The following AMOTL1 variants were observed in gnomAD, a reference collection of about 807,000 sequenced individuals.
The protein encoded by AMOTL1 is angiomotin-like protein 1.
AMOTL1 carries 45 observed loss-of-function variants against 102.9 expected under a neutral mutation model. The ratio of observed to expected loss-of-function variants is 0.44; its 90% CI spans 0.34 to 0.56. The LOEUF is 0.56. Among genes scored for constraint, AMOTL1 ranks in the 20% least tolerant of loss-of-function variants. The probability of loss-of-function intolerance (pLI) is 0.01; values close to 1 mark genes in which losing one functional copy is unlikely to be tolerated. For missense variants in AMOTL1, 1,114 were observed against 1,225.6 expected (o/e 0.91, Z 1.36); for synonymous variants, 481 against 484.7 (o/e 0.99, Z 0.10).
At chr11:94,851,091 A>C (rs911041799) in intron 7 of AMOTL1, among the ~76,000 whole-genome samples, 2 of 152,228 alleles carry the variant, frequency 1.3e-5, no homozygotes, top group Admixed American at 1.3e-4. Flanking sequence ...TAAGTCTTGC[A>C]TAGAAACTAC....
intron 1 of AMOTL1, among the ~76,000 whole-genome samples, chr11:94,723,249 C>T (rs940723391): frequency 1.3e-5 from 2 of 151,820 alleles, no homozygotes; most frequent in African/African-American, 4.9e-5. Flanking sequence ...AGAGTATTAT[C>T]CTGCAATGGA....
At chr11:94,762,343 C>T (rs1950803749) in intron 3 of AMOTL1, among the ~76,000 whole-genome samples, 1 of 152,184 alleles carries the variant, frequency 6.6e-6, no homozygotes, top group Admixed American at 6.5e-5. Context: ...CAATCAGAGG[C>T]AATTTTGCCC....
At chr11:94,804,598 T>G (rs1216356380) in intron 3 of AMOTL1, among the ~76,000 whole-genome samples, 1 of 152,214 alleles carries the variant, frequency 6.6e-6, no homozygotes, top group Non-Finnish European at 1.5e-5. Context: ...CTGCAAATAG[T>G]CTTAACTTCC....
chr11:94,797,156 C>A, intron 2 of AMOTL1: 1 of 350,504 alleles, frequency 2.9e-6, no homozygotes. Context: ...AAACATAGAG[C>A]CATCATTACA....
intron 6 of AMOTL1, among the ~76,000 whole-genome samples, chr11:94,840,335 A>C (rs1952271393): frequency 6.6e-6 from 1 of 152,148 alleles, no homozygotes; most frequent in Admixed American, 6.5e-5. Flanking sequence ...AGTCCAGAAA[A>C]TTTGGTCGTA....
chr11:94,795,147 C>G lies in AMOTL1; in HGVS notation c.186C>G (p.Ile62Met), dbSNP rs1363283002. Residue 62 changes from isoleucine to methionine, a missense_variant, in exon 2 of 13, where the codon ATC becomes ATG. Physicochemically the swap from Ile to Met is conservative, Grantham distance 10. Coordinates refer to ENST00000433060, the MANE Select transcript of AMOTL1 (RefSeq NM_130847.3). ...TGACGGTGGAGGCAACCAGTAGCATCAGGGAAAAAGTTGGTAAGTCCTTTT... is the reference window on the plus strand; with the variant it reads ...TGACGGTGGAGGCAACCAGTAGCATGAGGGAAAAAGTTGGTAAGTCCTTTT... ...SALTVEATSS[I>M]REKVVEDPLC... The G allele has an allele frequency of 6.2e-7, 1 of 1,613,422 alleles. No homozygotes were observed. Among genetic ancestry groups the G allele is most frequent in the South Asian group, 1.1e-5 (1 of 90,878 alleles).
intron 3 of AMOTL1, among the ~76,000 whole-genome samples, chr11:94,758,378 C>T (rs185113875): frequency 1.8e-4 from 28 of 152,234 alleles, no homozygotes; most frequent in African/African-American, 6.0e-4. Flanking sequence ...TGATTGAATG[C>T]GTAATAAATG....
intron 1 of AMOTL1, among the ~76,000 whole-genome samples, chr11:94,709,108 T>C (rs1369880361): frequency 6.6e-6 from 1 of 152,336 alleles, no homozygotes; most frequent in East Asian, 1.9e-4. Context: ...GTGCCTACTC[T>C]GTGCCAGCTC....
chr11:94,765,075 C>T (rs760052418), upstream of AMOTL1, among the ~76,000 whole-genome samples: 3 of 152,202 alleles, frequency 2.0e-5, no homozygotes, highest in Non-Finnish European at 4.4e-5. Flanking sequence ...ATCACTGGAA[C>T]ATCCTGGTAC....
At chr11:94,785,028 G>A (rs1412345611) in intron 1 of AMOTL1, among the ~76,000 whole-genome samples, 2 of 152,140 alleles carry the variant, frequency 1.3e-5, no homozygotes, top group Admixed American at 1.3e-4. Flanking sequence ...TGATGAGGAA[G>A]GGTGGTTTCA....
At chr11:94,753,002 C>T (rs1243358634) in intron 3 of AMOTL1, among the ~76,000 whole-genome samples, 1 of 152,160 alleles carries the variant, frequency 6.6e-6, no homozygotes, top group African/African-American at 2.4e-5. Context: ...AGACTTTAGG[C>T]TCCTTTTATA....
chr11:94,837,214 T>C (rs1952202839), intron 6 of AMOTL1, among the ~76,000 whole-genome samples: 1 of 152,198 alleles, frequency 6.6e-6, no homozygotes, highest in Admixed American at 6.5e-5. Flanking sequence ...GGTGTCTTAC[T>C]AACAGGCTCA....
intron 2 of AMOTL1, among the ~76,000 whole-genome samples, chr11:94,739,739 G>C (rs375934814): frequency 7.9e-5 from 12 of 152,076 alleles, no homozygotes; most frequent in African/African-American, 2.9e-4. Flanking sequence ...CATCAGCTGC[G>C]GGGCTCTCTC....
intron 11 of AMOTL1, 28 bp from the exon 12 acceptor site, chr11:94,869,170 T>A: frequency 1.3e-6 from 2 of 1,517,584 alleles, no homozygotes; most frequent in South Asian, 1.3e-5. Flanking sequence ...AAAAAAAGAA[T>A]GTTGAAAAAT....
chr11:94,869,741 G>A (rs546228380), intron 12 of AMOTL1, among the ~76,000 whole-genome samples: 1 of 152,296 alleles, frequency 6.6e-6, no homozygotes, highest in Non-Finnish European at 1.5e-5. Flanking sequence ...CCTTTCCCCG[G>A]ATGGAGTGAC....
chr11:94,802,043 C>T (rs1951487876), intron 3 of AMOTL1, among the ~76,000 whole-genome samples: 1 of 152,146 alleles, frequency 6.6e-6, no homozygotes, highest in Non-Finnish European at 1.5e-5. Context: ...CCTGATCTGC[C>T]ACTGGCTTCC....
Position 94,869,386 on chromosome 11 carries a change from C to G in AMOTL1, c.2677C>G (p.Leu893Val). 6.2e-7 allele frequency: 1 copy of G among 1,607,392 alleles called. No individual in the cohort carries two copies. Among genetic ancestry groups the G allele is most frequent in the Non-Finnish European group, 8.5e-7 (1 of 1,177,216 alleles). ...AELFWPSMASLPSRGRLSTTP... is the reference protein window; with the variant it reads ...AELFWPSMASVPSRGRLSTTP... The stretch of plus-strand genomic sequence containing the variant: ...GCTCTTCTGGCCCAGCATGGCCTCC[C>G]TTCCCAGCCGCGGCCGGCTGAGCAC... The change falls in exon 12 of 13, where the codon CTT (leucine) becomes GTT (valine). Residue 893 changes from leucine to valine, a missense_variant. Leu to Val is a conservative substitution (Grantham distance 32, BLOSUM62 1). Coordinates refer to ENST00000433060, the MANE Select transcript of AMOTL1 (RefSeq NM_130847.3).
At chr11:94,832,516 A>G (rs571625249) in intron 6 of AMOTL1, among the ~76,000 whole-genome samples, 1 of 152,284 alleles carries the variant, frequency 6.6e-6, no homozygotes, top group Non-Finnish European at 1.5e-5. Flanking sequence ...TACTAGCTAT[A>G]TTTTTTAAAT....
intron 4 of AMOTL1, among the ~76,000 whole-genome samples, chr11:94,824,906 A>G (rs1951935694): frequency 6.6e-6 from 1 of 152,240 alleles, no homozygotes; most frequent in African/African-American, 2.4e-5. Flanking sequence ...AATTTAGCCT[A>G]TGCATACTGT....
Sources: gnomAD v4.1 joint callset for allele counts (sites outside exome capture counted in the v4.1 genomes callset) on GRCh38, gnomAD v4.1.1 for gene constraint, MANE v1.5 for transcripts, NCBI Gene and HGNC (gene_info 2026-07-23, HGNC 2026-07-21) for gene names.